ALPK2: variants seen among roughly 807,000 people sequenced by gnomAD.
The protein encoded by ALPK2 is alpha kinase 2.
Under a neutral mutation model 163.1 loss-of-function variants are expected in ALPK2, and 127 were observed. The observed-to-expected ratio is 0.78, with a 90% CI of 0.67 to 0.90. ALPK2 has a LOEUF of 0.90. Among genes scored for constraint, ALPK2 ranks in the 40% least tolerant of loss-of-function variants. ALPK2 has a pLI of 0.00. For synonymous variants in ALPK2, 953 were observed against 959.1 expected (o/e 0.99, Z 0.12); for missense variants, 2,360 against 2,589.6 (o/e 0.91, Z 1.92).
At chr18:58,542,810 G>A (rs577703205) in intron 4 of ALPK2, among the ~76,000 whole-genome samples, 2 of 152,184 alleles carry the variant, frequency 1.3e-5, no homozygotes, top group East Asian at 1.9e-4. Flanking sequence ...ATGCAGTGGC[G>A]TGGGTGTGCA....
intron 1 of ALPK2, among the ~76,000 whole-genome samples, chr18:58,615,316 C>T (rs747566095): frequency 3.3e-5 from 5 of 151,652 alleles, no homozygotes; most frequent in Non-Finnish European, 7.4e-5. Context: ...GGGACAGTGG[C>T]GGGCAGGGCA....
At chr18:58,553,849 G>GTTTT (rs2051772818) in intron 4 of ALPK2, among the ~76,000 whole-genome samples, 1 of 63,580 alleles carries the variant, frequency 1.6e-5, no homozygotes, top group South Asian at 6.0e-4. Context: ...TTTTTTTTTT[G>GTTTT]GTTTTTTTTT....
chr18:58,604,348 T>A (rs187435513), intron 3 of ALPK2, among the ~76,000 whole-genome samples: 15 of 152,326 alleles, frequency 9.8e-5, no homozygotes, highest in African/African-American at 3.4e-4. Flanking sequence ...TTGCACAAAA[T>A]ACCGTTCATT....
Position 58,564,272 on chromosome 18 carries a change from G to A in ALPK2, c.1962+14542C>T, listed in dbSNP as rs1288645043. 3.3e-5 allele frequency among the ~76,000 whole-genome samples: 5 copies of A among 151,678 alleles called. No homozygotes were observed. The South Asian group carries it at 6.3e-4, about 19-fold the overall frequency. ...CACATAGCTGGGATTACAGACATGC[G>A]CTACCACACCCAGCTAATTTTGTAT... On this transcript the variant is annotated intron_variant, in intron 4 of 12. Coordinates refer to ENST00000361673, the MANE Select transcript of ALPK2 (RefSeq NM_052947.4).
At position 58,578,738 on chromosome 18, in the gene ALPK2, A is replaced by ACACGCGCGCACGCGCGCG. The variant is rs1555673991; in HGVS notation, c.1962+75_1962+76insCGCGCGCGTGCGCGCGTG. ...GAATGTGAAGTAAAGGAAGAGACAC[A>ACACGCGCGCACGCGCGCG]CACACACACACACACACACACACAC... On this transcript the variant is annotated intron_variant, in intron 4 of 12. Coordinates refer to ENST00000361673, the MANE Select transcript of ALPK2 (RefSeq NM_052947.4). The ACACGCGCGCACGCGCGCG allele has an allele frequency of 5.5e-4, 513 of 936,746 alleles. 5 individuals carry two copies. In the African/African-American group the frequency reaches 7.1e-3, roughly 13 times the overall value. 58.0% of individuals were successfully genotyped at this position (936,746 alleles called of 1,614,324 possible).
intron 12 of ALPK2, among the ~76,000 whole-genome samples, chr18:58,484,317 G>A (rs577181866): frequency 2.1e-3 from 320 of 152,214 alleles, no homozygotes; most frequent in Middle Eastern, 6.8e-3. Flanking sequence ...TTGAGGCTAC[G>A]GATTCAACAG....
intron 11 of ALPK2, among the ~76,000 whole-genome samples, chr18:58,500,070 A>C (rs1259515636): frequency 6.6e-6 from 1 of 152,228 alleles, no homozygotes; most frequent in Admixed American, 6.5e-5. Context: ...GCTTTTCTGC[A>C]GTGCACCTGT....
chr18:58,548,474 C>T (rs2051731931), intron 4 of ALPK2, among the ~76,000 whole-genome samples: 1 of 152,070 alleles, frequency 6.6e-6, no homozygotes, highest in South Asian at 2.1e-4. Context: ...GCGAGTGCCA[C>T]CATGGCCAGC....
Position 58,524,041 on chromosome 18 carries a change from A to G in ALPK2, c.5523T>C (p.Val1841=), listed in dbSNP as rs1242849227. ...GACTGGCTTGCACGATGGCAAAGGAAACAGTGGAGTTGTCCCCTGCACTGC... is the reference window on the plus strand; with the variant it reads ...GACTGGCTTGCACGATGGCAAAGGAGACAGTGGAGTTGTCCCCTGCACTGC... ...VQRSAGDNST[V]SFAIVQASPK... Residue 1841 remains valine, a synonymous_variant, in exon 7 of 13, where the codon GTT becomes GTC. Transcript: ENST00000361673. The G allele has an allele frequency of 6.2e-7, 1 of 1,613,824 alleles. No homozygotes were observed.
intron 1 of ALPK2, among the ~76,000 whole-genome samples, chr18:58,626,645 G>A (rs1284537543): frequency 6.6e-6 from 1 of 151,974 alleles, no homozygotes; most frequent in Non-Finnish European, 1.5e-5. Flanking sequence ...CTCTACTTCT[G>A]CTTTTAGATA....
At chr18:58,502,155 C>T (rs1283304960) in intron 11 of ALPK2, among the ~76,000 whole-genome samples, 1 of 143,996 alleles carries the variant, frequency 6.9e-6, no homozygotes, top group African/African-American at 2.5e-5. Flanking sequence ...CACACACACA[C>T]ACACACACAC....
At chr18:58,576,643 T>G (rs1307879259) in intron 4 of ALPK2, among the ~76,000 whole-genome samples, 1 of 152,232 alleles carries the variant, frequency 6.6e-6, no homozygotes, top group African/African-American at 2.4e-5. Flanking sequence ...TTGGCTACAT[T>G]GTATACGTGT....
intron 4 of ALPK2, among the ~76,000 whole-genome samples, chr18:58,572,466 G>C (rs2051890613): frequency 6.6e-6 from 1 of 152,144 alleles, no homozygotes. Flanking sequence ...AGCCATGAGA[G>C]CAAAAAACTG....
chr18:58,535,593 C>T lies in ALPK2; in HGVS notation c.4594G>A (p.Ala1532Thr). ...GEAEQSKKDK[A>T]ELISPTSPLS... is the part of the protein sequence containing the mutation. ...GGTGAAGTGGGGGAAATCAATTCTG[C>T]TTTGTCCTTTTTGCTTTGCTCAGCC... The change falls in exon 5 of 13, where the codon GCA becomes ACA. Residue 1532 changes from alanine to threonine, a missense_variant. Coordinates refer to ENST00000361673, the MANE Select transcript of ALPK2 (RefSeq NM_052947.4). 6.2e-7 allele frequency: 1 copy of T among 1,614,188 alleles called. No homozygotes were observed. The highest frequency in any genetic ancestry group is 8.5e-7 in the Non-Finnish European group (1 of 1,180,034).
At chr18:58,582,500 G>T (rs1334497709) in intron 3 of ALPK2, among the ~76,000 whole-genome samples, 2 of 151,940 alleles carry the variant, frequency 1.3e-5, no homozygotes, top group Admixed American at 6.5e-5. Context: ...CGCCATTCAA[G>T]CGGACTCTTC....
chr18:58,510,248 C>T (rs1351478319), intron 10 of ALPK2, among the ~76,000 whole-genome samples: 2 of 152,192 alleles, frequency 1.3e-5, no homozygotes, highest in South Asian at 2.1e-4. Context: ...GTCTACATCT[C>T]TGTTTTGGTA....
chr18:58,610,189 G>T (rs540224925), intron 2 of ALPK2, among the ~76,000 whole-genome samples: 22 of 149,178 alleles, frequency 1.5e-4, no homozygotes, highest in Non-Finnish European at 2.5e-4. Context: ...CATGAGAATT[G>T]CTTGAACCTG....
intron 1 of ALPK2, among the ~76,000 whole-genome samples, chr18:58,613,593 T>C (rs2052146948): frequency 6.6e-6 from 1 of 151,376 alleles, no homozygotes; most frequent in South Asian, 2.1e-4. Flanking sequence ...CTCAGGAGGC[T>C]GAGGCAGGAG....
chr18:58,542,809 C>T (rs564920640), intron 4 of ALPK2, among the ~76,000 whole-genome samples: 3 of 152,170 alleles, frequency 2.0e-5, no homozygotes, highest in East Asian at 1.9e-4. Flanking sequence ...CATGCAGTGG[C>T]GTGGGTGTGC....
Sources: gnomAD v4.1 joint callset for allele counts (sites outside exome capture counted in the v4.1 genomes callset) on GRCh38, gnomAD v4.1.1 for gene constraint, MANE v1.5 for transcripts, NCBI Gene and HGNC (gene_info 2026-07-23, HGNC 2026-07-21) for gene names.